Variants in FOXP2 observed in about 807,000 individuals in gnomAD.
The protein encoded by FOXP2 is forkhead box protein P2.
FOXP2 carries 12 observed loss-of-function variants against 115.8 expected under a neutral mutation model. That is an observed-to-expected ratio of 0.10 (90% CI 0.07 to 0.17). The LOEUF (loss-of-function observed/expected upper bound fraction) is 0.17, where lower values mean the gene tolerates loss of function less well. Ranked by LOEUF, FOXP2 falls within the 10% of genes least tolerant of loss-of-function variation. FOXP2 has a pLI of 1.00. For synonymous variants in FOXP2, 328 were observed against 297.7 expected, an observed-to-expected ratio of 1.10 and a Z score of -1.05; for missense variants, 629 against 843.5, an observed-to-expected ratio of 0.75 and a Z score of 3.15.
At chr7:114,454,662 A>G (rs1795213778) in intron 2 of FOXP2, among the ~76,000 whole-genome samples, 1 of 131,330 alleles carries the variant, frequency 7.6e-6, no homozygotes, top group East Asian at 2.1e-4. Context: ...AATGTGGCAC[A>G]TATACACCAT....
chr7:114,516,824 T>G (rs962389468), intron 2 of FOXP2, among the ~76,000 whole-genome samples: 104 of 152,144 alleles, frequency 6.8e-4, no homozygotes, highest in African/African-American at 2.4e-3. Context: ...GCCTCCTGAG[T>G]AGTTGGGACT....
chr7:114,497,673 A>G (rs866063108), intron 2 of FOXP2, among the ~76,000 whole-genome samples: 45 of 117,362 alleles, frequency 3.8e-4, no homozygotes, highest in East Asian at 2.2e-3. Context: ...AAGTAAATAA[A>G]TAAATAAATA....
chr7:114,213,460 T>C (rs1487568283), intron 1 of FOXP2, among the ~76,000 whole-genome samples: 1 of 152,224 alleles, frequency 6.6e-6, no homozygotes, highest in East Asian at 1.9e-4. Context: ...ATATTCACAA[T>C]AACTTAGTAA....
intron 1 of FOXP2, among the ~76,000 whole-genome samples, chr7:114,166,119 A>T (rs1207604992): frequency 1.3e-5 from 2 of 152,190 alleles, no homozygotes; most frequent in Non-Finnish European, 2.9e-5. Flanking sequence ...AAAATGGATC[A>T]CAAAGCTAAA....
chr7:114,152,460 C>G (rs1792551947), intron 1 of FOXP2, among the ~76,000 whole-genome samples: 1 of 152,146 alleles, frequency 6.6e-6, no homozygotes, highest in Non-Finnish European at 1.5e-5. Context: ...ACAGCTGTTG[C>G]AAATAAATCT....
intron 1 of FOXP2, among the ~76,000 whole-genome samples, chr7:114,253,459 T>A (rs1741635230): frequency 6.6e-6 from 1 of 152,206 alleles, no homozygotes; most frequent in African/African-American, 2.4e-5. Flanking sequence ...GGACTTGCTT[T>A]ATGAATCTTG....
chr7:114,407,247 G>A (rs1793056987), intron 2 of FOXP2, among the ~76,000 whole-genome samples: 2 of 151,886 alleles, frequency 1.3e-5, no homozygotes, highest in African/African-American at 4.8e-5. Context: ...AATATTCCTG[G>A]AAGGTTTAGT....
chr7:114,384,127 G>GT (rs1011984557), intron 2 of FOXP2, among the ~76,000 whole-genome samples: 4 of 151,982 alleles, frequency 2.6e-5, no homozygotes, highest in Non-Finnish European at 5.9e-5. Context: ...GCTCGCCGAT[G>GT]TAGCAGTCCT....
At chr7:114,582,196 A>T (rs1002615312) in intron 3 of FOXP2, among the ~76,000 whole-genome samples, 3 of 152,208 alleles carry the variant, frequency 2.0e-5, no homozygotes, top group African/African-American at 7.2e-5. Flanking sequence ...AGAGAGAGGT[A>T]GTTAATCTTT....
At chr7:114,210,758 A>C (rs1250137182) in intron 1 of FOXP2, among the ~76,000 whole-genome samples, 1 of 151,584 alleles carries the variant, frequency 6.6e-6, no homozygotes, top group African/African-American at 2.4e-5. Flanking sequence ...TGTCTGAGTT[A>C]ACCAAACTGC....
At chr7:114,240,860 A>G (rs1052139188) in intron 1 of FOXP2, among the ~76,000 whole-genome samples, 3 of 152,020 alleles carry the variant, frequency 2.0e-5, no homozygotes, top group Admixed American at 1.3e-4. Context: ...GAATAGTTAT[A>G]TCACTGTTAA....
intron 2 of FOXP2, among the ~76,000 whole-genome samples, chr7:114,341,897 C>G (rs1584650274): frequency 6.6e-6 from 1 of 151,264 alleles, no homozygotes; most frequent in African/African-American, 2.4e-5. Context: ...TCAAAGGAAC[C>G]ACTGCCAAAG....
upstream of FOXP2, among the ~76,000 whole-genome samples, chr7:114,162,752 G>A (rs905482561): frequency 6.6e-6 from 1 of 152,004 alleles, no homozygotes; most frequent in Admixed American, 6.6e-5. Context: ...GAAGATAGAT[G>A]TGGGTTTCTT....
chr7:114,476,086 G>A (rs1250485490), intron 2 of FOXP2, among the ~76,000 whole-genome samples: 3 of 147,850 alleles, frequency 2.0e-5, no homozygotes, highest in African/African-American at 7.4e-5. Flanking sequence ...GTGGATACTT[G>A]GGTTTTTTTT....
chr7:114,687,123 G>A (rs191992981), intron 16 of FOXP2, among the ~76,000 whole-genome samples: 30 of 152,122 alleles, frequency 2.0e-4, no homozygotes, highest in African/African-American at 5.8e-4. Flanking sequence ...TTGATTCTAC[G>A]GCATATAGAT....
intron 1 of FOXP2, among the ~76,000 whole-genome samples, chr7:114,219,851 TTTTG>T (rs1202913513): frequency 1.3e-5 from 2 of 151,714 alleles, no homozygotes; most frequent in Non-Finnish European, 2.9e-5. Flanking sequence ...AGGGTTTTTT[TTTTG>T]TTTGTTTGTT....
chr7:114,275,399 T>C lies in FOXP2; in HGVS notation c.-101-12620T>C, dbSNP rs563384121. 7.2e-5 allele frequency among the ~76,000 whole-genome samples: 11 copies of C among 152,314 alleles called. No homozygotes were observed. In the East Asian group the frequency reaches 2.1e-3, roughly 29 times the overall value. ...AGTTTTAGAGGTGTTTACTGAGATA[T>C]CCTCAAGTGCAGAGATTCTGTCCTC... On this transcript the variant is annotated intron_variant, in intron 1 of 17. Transcript: ENST00000634411.
chr7:114,246,457 G>A (rs1204901255), intron 1 of FOXP2, among the ~76,000 whole-genome samples: 1 of 152,004 alleles, frequency 6.6e-6, no homozygotes, highest in Non-Finnish European at 1.5e-5. Context: ...TAAGATAAAA[G>A]AAGTAATATT....
chr7:114,140,895 T>C (rs902545736), intron 1 of FOXP2, among the ~76,000 whole-genome samples: 1 of 151,868 alleles, frequency 6.6e-6, no homozygotes, highest in African/African-American at 2.4e-5. Flanking sequence ...ACAAGGATGT[T>C]TCAACCAGAT....
Sources: allele counts gnomAD v4.1 joint callset (sites outside exome capture counted in the v4.1 genomes callset), GRCh38; gene constraint gnomAD v4.1.1; transcripts MANE v1.5; gene names NCBI Gene and HGNC (gene_info 2026-07-23, HGNC 2026-07-21).